ARHGAP39: variants seen among roughly 807,000 people sequenced by gnomAD.
ARHGAP39 encodes the protein rho GTPase-activating protein 39.
In ARHGAP39, 44 loss-of-function variants were observed where a neutral mutation model predicts 106.9. That is an observed-to-expected ratio of 0.41 (90% CI 0.32 to 0.53). ARHGAP39 has a LOEUF of 0.53. ARHGAP39 is among the 20% of genes least tolerant of loss of function. The pLI, the probability that ARHGAP39 is intolerant of heterozygous loss-of-function variation, is 0.21. For synonymous variants in ARHGAP39, 768 were observed against 693.2 expected (o/e 1.11, Z -1.69); for missense variants, 1,496 against 1,577.3 (o/e 0.95, Z 0.87).
At chr8:144,678,129 G>A (rs1822290559) in intron 1 of ARHGAP39, among the ~76,000 whole-genome samples, 1 of 152,126 alleles carries the variant, frequency 6.6e-6, no homozygotes, top group African/African-American at 2.4e-5. Context: ...AAACAGCCAA[G>A]TGCCATGGCT....
chr8:144,605,628 C>T lies in ARHGAP39; in HGVS notation c.-14G>A, dbSNP rs199775419. ...CGTCTGGGACATCGCTGTTTGCTTC[C>T]GCGCCCACGTGGACAGACGTCAGGG... On this transcript the variant is annotated 5_prime_UTR_variant, in exon 2 of 12. Coordinates refer to ENST00000377307, the MANE Select transcript of ARHGAP39 (RefSeq NM_025251.3). The T allele has an allele frequency of 1.1e-3, 1,738 of 1,612,292 alleles. 23 individuals are homozygous for T. The South Asian group carries it at 0.016, about 15-fold the overall frequency.
At position 144,649,749 on chromosome 8, in the gene ARHGAP39, T is replaced by C. The variant is rs115746881; in HGVS notation, c.-82+35937A>G. 8.6e-3 allele frequency among the ~76,000 whole-genome samples: 1,303 copies of C among 151,224 alleles called. 19 individuals are homozygous for C. Among genetic ancestry groups the C allele is most frequent in the African/African-American group, 0.03 (1,237 of 41,152 alleles). ...TGAGACCAACTCAAAAAATAAAAAA[T>C]AAATAAAAAGCAATGATGAAGGGAA... On this transcript the variant is annotated intron_variant, in intron 1 of 11. Coordinates refer to ENST00000377307, the MANE Select transcript of ARHGAP39 (RefSeq NM_025251.3).
intron 3 of ARHGAP39, among the ~76,000 whole-genome samples, chr8:144,559,080 C>T (rs959680134): frequency 2.6e-5 from 4 of 151,874 alleles, no homozygotes; most frequent in African/African-American, 9.7e-5. Flanking sequence ...TGGTGGTGGG[C>T]ACCTGTAGTC....
In ARHGAP39 at chr8:144,548,545, C is replaced by T; in HGVS notation, c.597-56G>A. ...TGCCTGCCTGCTGCTTCTGGGCACG[C>T]CCCACCCCCTCGGGGGCTGTAGGCA... On this transcript the variant is annotated intron_variant, in intron 4 of 11. Transcript: ENST00000377307. This position sits in a 1 kb window ranked among gnomAD's most constrained non-coding sequence, Gnocchi z 7.4. 2 of 1,568,428 alleles carry T rather than the reference C, an allele frequency of 1.3e-6. No individual in the cohort carries two copies. Among genetic ancestry groups the T allele is most frequent in the East Asian group, 2.3e-5 (1 of 44,066 alleles).
At chr8:144,592,919 G>A (rs1819460659) in intron 2 of ARHGAP39, among the ~76,000 whole-genome samples, 1 of 152,172 alleles carries the variant, frequency 6.6e-6, no homozygotes, top group South Asian at 2.1e-4. Context: ...TGGGGAACTC[G>A]CGCCTCGGCC....
In ARHGAP39 at chr8:144,530,747, G is replaced by A; in HGVS notation, c.3105C>T (p.Pro1035=). The A allele has an allele frequency of 6.2e-7, 1 of 1,610,066 alleles. No homozygotes were observed. The highest frequency in any genetic ancestry group is 1.1e-5 in the South Asian group (1 of 90,700). Residue 1035 remains proline, a synonymous_variant, in exon 11 of 12, where the codon CCC becomes CCT. Transcript: ENST00000377307. ...EAAVAVVHAL[P]RINRMVLCYL... Reference sequence around the variant, plus strand: ...AGCACAGCACCATGCGGTTGATGCGGGGCAGCGCGTGCACCACGGCCACCG... The same window carrying A: ...AGCACAGCACCATGCGGTTGATGCGAGGCAGCGCGTGCACCACGGCCACCG...
Position 144,585,606 on chromosome 8 carries a change from T to C in ARHGAP39, c.81-4329A>G, listed in dbSNP as rs372528182. ...CGTTAGAAACACAGGGACACCAACATGGTGCACCTCGAACCCCCACAGCTC... is the reference window on the plus strand; with the variant it reads ...CGTTAGAAACACAGGGACACCAACACGGTGCACCTCGAACCCCCACAGCTC... On this transcript the variant is annotated intron_variant, in intron 2 of 11. Coordinates refer to ENST00000377307, the MANE Select transcript of ARHGAP39 (RefSeq NM_025251.3). The surrounding 1 kb of genome is among the most constrained non-coding windows in gnomAD (Gnocchi z 4.6). 2.0e-4 allele frequency among the ~76,000 whole-genome samples: 31 copies of C among 152,114 alleles called. No homozygotes were observed. The highest frequency in any genetic ancestry group is 6.8e-4 in the African/African-American group (28 of 41,420).
At position 144,644,480 on chromosome 8, in the gene ARHGAP39, C is replaced by A. The variant is rs139592331; in HGVS notation, c.-81-38785G>T. Among the ~76,000 whole-genome samples the A allele has an allele frequency of 2.4e-4, 36 of 152,308 alleles. No homozygotes were observed. The highest frequency in any genetic ancestry group is 7.9e-4 in the African/African-American group (33 of 41,566). ...AGGAGGTGATGGCTGCACGACTCTACAAATTTACTAAAAACCATGGGATTA... is the reference window on the plus strand; with the variant it reads ...AGGAGGTGATGGCTGCACGACTCTAAAAATTTACTAAAAACCATGGGATTA... On this transcript the variant is annotated intron_variant, in intron 1 of 11. Coordinates refer to ENST00000377307, the MANE Select transcript of ARHGAP39 (RefSeq NM_025251.3). The surrounding 1 kb of genome is among the most constrained non-coding windows in gnomAD (Gnocchi z 4.8).
At chr8:144,623,603 G>A (rs1206513144) in intron 1 of ARHGAP39, among the ~76,000 whole-genome samples, 2 of 152,240 alleles carry the variant, frequency 1.3e-5, no homozygotes, top group East Asian at 1.9e-4. Flanking sequence ...TGTTCCAGGA[G>A]GCACCCGACG....
chr8:144,545,039 G>A (rs1302936873), intron 6 of ARHGAP39, among the ~76,000 whole-genome samples: 1 of 152,254 alleles, frequency 6.6e-6, no homozygotes, highest in Non-Finnish European at 1.5e-5. Context: ...CCAGGGCTCC[G>A]GGGCTCTTCA....
At position 144,684,246 on chromosome 8, in the gene ARHGAP39, T is replaced by A. The variant is rs1314518031; in HGVS notation, c.-82+1440A>T. On this transcript the variant is annotated intron_variant, in intron 1 of 11. Transcript: ENST00000377307. The surrounding 1 kb of genome is among the most constrained non-coding windows in gnomAD (Gnocchi z 4.4). Reference sequence around the variant, plus strand: ...CTACAGAGCCTGCGCCCAGGGCGGTTTATGGAATGAGTCTCCTCGATTTAC... The same window carrying A: ...CTACAGAGCCTGCGCCCAGGGCGGTATATGGAATGAGTCTCCTCGATTTAC... 6.6e-6 allele frequency among the ~76,000 whole-genome samples: 1 copy of A among 152,130 alleles called. No individual in the cohort carries two copies. Among genetic ancestry groups the A allele is most frequent in the Non-Finnish European group, 1.5e-5 (1 of 68,026 alleles).
chr8:144,549,251 T>C (rs1396269071), intron 4 of ARHGAP39, among the ~76,000 whole-genome samples: 1 of 152,252 alleles, frequency 6.6e-6, no homozygotes, highest in Non-Finnish European at 1.5e-5. Context: ...ACTGGTCCTG[T>C]GTCCACAGCC....
At chr8:144,599,942 G>A (rs951235997) in intron 2 of ARHGAP39, among the ~76,000 whole-genome samples, 11 of 152,236 alleles carry the variant, frequency 7.2e-5, no homozygotes, top group African/African-American at 2.4e-4. Context: ...GGGAAGAAGA[G>A]ATGTGATGGA....
rs139659711 is a variant in ARHGAP39 at position 144,554,887 on chromosome 8, G to A, written c.596+673C>T. On this transcript the variant is annotated intron_variant, in intron 4 of 11. Coordinates refer to ENST00000377307, the MANE Select transcript of ARHGAP39 (RefSeq NM_025251.3). ...CTGTGCAGAACGCCAGAGCCCCCTC[G>A]GGTCCTCCAGTTCCTCCCCAGCACC... Among the ~76,000 whole-genome samples, 313 of 152,256 alleles carry A rather than the reference G, an allele frequency of 2.1e-3. 1 individual carries two copies. The highest frequency in any genetic ancestry group is 6.9e-3 in the African/African-American group (287 of 41,540).
intron 6 of ARHGAP39, among the ~76,000 whole-genome samples, chr8:144,542,410 A>G (rs1817230837): frequency 1.3e-5 from 2 of 152,230 alleles, no homozygotes; most frequent in Admixed American, 6.5e-5. Context: ...CCTGAGGCTG[A>G]GGCAGGCAGG....
At position 144,644,599 on chromosome 8, in the gene ARHGAP39, C is replaced by T. The variant is rs115616972; in HGVS notation, c.-81-38904G>A. On this transcript the variant is annotated intron_variant, in intron 1 of 11. Coordinates refer to ENST00000377307, the MANE Select transcript of ARHGAP39 (RefSeq NM_025251.3). The surrounding 1 kb of genome is among the most constrained non-coding windows in gnomAD (Gnocchi z 4.8). ...CGCCGGCTCGTGGCGGCACCCCTTCCGGCTTCCACCATGCATTTCTGAGCT... is the reference window on the plus strand; with the variant it reads ...CGCCGGCTCGTGGCGGCACCCCTTCTGGCTTCCACCATGCATTTCTGAGCT... Among the ~76,000 whole-genome samples the T allele has an allele frequency of 4.3e-3, 649 of 152,360 alleles. 7 individuals carry two copies. The highest frequency in any genetic ancestry group is 0.015 in the African/African-American group (606 of 41,586).
intron 4 of ARHGAP39, among the ~76,000 whole-genome samples, chr8:144,552,667 C>A (rs1408672242): frequency 6.6e-6 from 1 of 152,054 alleles, no homozygotes; most frequent in East Asian, 1.9e-4. Context: ...TGGTATCAAG[C>A]TGGTGAGATT....
intron 7 of ARHGAP39, 60 bp downstream of exon 7, chr8:144,537,661 G>A (rs1041309387): frequency 1.7e-5 from 23 of 1,333,604 alleles, no homozygotes; most frequent in South Asian, 8.4e-5. Context: ...CCAGGCGGCC[G>A]AGGCTGGAGA....
At position 144,670,235 on chromosome 8, in the gene ARHGAP39, A is replaced by T. The variant is rs575010057; in HGVS notation, c.-82+15451T>A. ...ATGCTAGAGCGTACCGGGAAGCTGG[A>T]TGAGGGCCTGGGACCAGGCGGCTGT... On this transcript the variant is annotated intron_variant, in intron 1 of 11. Transcript: ENST00000377307. This position sits in a 1 kb window ranked among gnomAD's most constrained non-coding sequence, Gnocchi z 4.4. Among the ~76,000 whole-genome samples the T allele has an allele frequency of 2.6e-5, 4 of 152,242 alleles. No homozygotes were observed. Among genetic ancestry groups the T allele is most frequent in the African/African-American group, 9.6e-5 (4 of 41,556 alleles).
Sources: gnomAD v4.1 joint callset for allele counts (sites outside exome capture counted in the v4.1 genomes callset) on GRCh38, gnomAD v4.1.1 for gene constraint, Gnocchi (gnomAD v3.1) non-coding constraint, MANE v1.5 for transcripts, NCBI Gene and HGNC (gene_info 2026-07-23, HGNC 2026-07-21) for gene names.